Variants in TMEM179B observed in about 807,000 individuals in gnomAD.
TMEM179B encodes transmembrane protein 179B.
A neutral mutation model predicts 18.0 loss-of-function variants in TMEM179B; 13 were observed. The observed-to-expected ratio is 0.72, with a 90% CI of 0.47 to 1.15. The LOEUF (loss-of-function observed/expected upper bound fraction) is 1.15, where lower values mean the gene tolerates loss of function less well. Ranked by LOEUF, TMEM179B falls within the 50% of genes most tolerant of loss-of-function variation. The pLI, the probability that TMEM179B is intolerant of heterozygous loss-of-function variation, is 0.00. For missense variants in TMEM179B, 320 were observed against 270.6 expected (o/e 1.18, Z -1.28); for synonymous variants, 159 against 117.5 (o/e 1.35, Z -2.29).
intron 1 of TMEM179B, among the ~76,000 whole-genome samples, chr11:62,788,242 A>G (rs1431726883): frequency 6.6e-6 from 1 of 151,864 alleles, no homozygotes; most frequent in Non-Finnish European, 1.5e-5. Context: ...GTCTCTACTA[A>G]AAATACAAAA....
chr11:62,787,715 T>A, intron 1 of TMEM179B, 188 bp downstream of exon 1: 1 of 766,060 alleles, frequency 1.3e-6, no homozygotes, highest in Non-Finnish European at 2.1e-6. Context: ...CCTGGCCAGG[T>A]CATACTTCGA....
Position 62,790,393 on chromosome 11 carries a change from T to C in TMEM179B, c.*346T>C, listed in dbSNP as rs2084346331. 3.5e-6 allele frequency: 2 copies of C among 568,392 alleles called. No homozygotes were observed. Among genetic ancestry groups the C allele is most frequent in the Non-Finnish European group, 6.1e-6 (2 of 326,742 alleles). 35.2% of individuals were successfully genotyped at this position (568,392 alleles called of 1,614,324 possible). ...TTGTTGTTAATGAATCTTGACCTCC[T>C]TGTGTGACCCTGGTTGTTACTCCAT... On this transcript the variant is annotated 3_prime_UTR_variant, in exon 5 of 5. Coordinates refer to ENST00000333449, the MANE Select transcript of TMEM179B (RefSeq NM_199337.3).
Position 62,787,470 on chromosome 11 carries a change from C to A in TMEM179B, c.39C>A (p.Leu13=). The A allele has an allele frequency of 6.3e-7, 1 of 1,577,102 alleles. No homozygotes were observed. The highest frequency in any genetic ancestry group is 2.3e-5 in the East Asian group (1 of 43,482). Reference sequence around the variant, plus strand: ...GGCTGCAGCGCGTCGAGCTTGCGCTCTTTGCTGCCGCCTTCCTGTGCGGGG... The same window carrying A: ...GGCTGCAGCGCGTCGAGCTTGCGCTATTTGCTGCCGCCTTCCTGTGCGGGG... ...LSWLQRVELA[L]FAAAFLCGAV... The change falls in exon 1 of 5, where the codon CTC becomes CTA. Residue 13 remains leucine, a synonymous_variant. Coordinates refer to ENST00000333449, the MANE Select transcript of TMEM179B (RefSeq NM_199337.3).
At chr11:62,789,519 T>C in intron 3 of TMEM179B, 82 bp from the exon 4 acceptor site, 1 of 1,590,598 alleles carries the variant, frequency 6.3e-7, no homozygotes, top group Non-Finnish European at 8.6e-7. Flanking sequence ...TCAGTTGCTC[T>C]CAACTCACAG....
chr11:62,789,368 C>T lies in TMEM179B; in HGVS notation c.361C>T (p.Leu121Phe), dbSNP rs1354163021. The change falls in exon 3 of 5, where the codon CTT becomes TTT. Residue 121 changes from leucine (L) to phenylalanine (F), a missense_variant. Coordinates refer to ENST00000333449, the MANE Select transcript of TMEM179B (RefSeq NM_199337.3). ...VFLVLVSACI[L>F]RFGTRSLCNS... ...CCTGGTCTTGGTGTCTGCCTGTATCCTTCGATTTGGCACCAGGTCTCTCTG... is the reference window on the plus strand; with the variant it reads ...CCTGGTCTTGGTGTCTGCCTGTATCTTTCGATTTGGCACCAGGTCTCTCTG... 1 of 1,613,978 alleles carries T rather than the reference C, an allele frequency of 6.2e-7. No individual in the cohort carries two copies. The highest frequency in any genetic ancestry group is 8.5e-7 in the Non-Finnish European group (1 of 1,180,012).
At chr11:62,788,128 C>T (rs553237265) in intron 1 of TMEM179B, among the ~76,000 whole-genome samples, 60 of 152,332 alleles carry the variant, frequency 3.9e-4, no homozygotes, top group East Asian at 9.6e-4. Context: ...ATCCGCCGGG[C>T]GCGGTGACTC....
Position 62,790,322 on chromosome 11 carries a change from T to TA in TMEM179B, c.*276dup, listed in dbSNP as rs756415648. 3 of 539,500 alleles carry TA rather than the reference T, an allele frequency of 5.6e-6. No individual in the cohort carries two copies. The highest frequency in any genetic ancestry group is 3.7e-5 in the Admixed American group (1 of 27,148). The allele number at this position is 539,500 out of a possible 1,614,324, so 33.4% of individuals were successfully genotyped here. A position where few individuals can be genotyped will look rare whatever the true frequency, so the allele number is the denominator to read the frequency against. ...GGCTAAGCAGACATGGACTGAAACT[T>TA]AGAGGTACTGTTAGGCAGCTGCCCT... On this transcript the variant is annotated 3_prime_UTR_variant, in exon 5 of 5. Coordinates refer to ENST00000333449, the MANE Select transcript of TMEM179B (RefSeq NM_199337.3).
chr11:62,787,731 T>G, intron 1 of TMEM179B: 4 of 693,920 alleles, frequency 5.8e-6, no homozygotes, highest in East Asian at 2.7e-5. Flanking sequence ...TTCGAAGTTG[T>G]CCCCTCGCCA....
chr11:62,787,752 T>A, intron 1 of TMEM179B: 1 of 686,424 alleles, frequency 1.5e-6, no homozygotes, highest in Non-Finnish European at 2.6e-6. Context: ...AAGGGACGGG[T>A]CAGTAGCGTC....
In TMEM179B at chr11:62,789,983, G is replaced by C. The variant is rs1385262466; in HGVS notation, c.596G>C (p.Arg199Thr). The change falls in exon 5 of 5, where the codon AGG becomes ACG. Residue 199 changes from arginine (R) to threonine (T), a missense_variant. Arg to Thr is a moderately conservative substitution (Grantham distance 71). Coordinates refer to ENST00000333449, the MANE Select transcript of TMEM179B (RefSeq NM_199337.3). Reference protein sequence around the residue: ...SEATPYRPLERGDPEWSSETD... With the variant: ...SEATPYRPLETGDPEWSSETD... ...GCCACCCCATACCGGCCTCTGGAGA[G>C]GGGTGACCCTGAGTGGAGCTCTGAG... 1.2e-6 allele frequency: 2 copies of C among 1,614,146 alleles called. No individual in the cohort carries two copies. Among genetic ancestry groups the C allele is most frequent in the South Asian group, 2.2e-5 (2 of 91,078 alleles).
intron 3 of TMEM179B, 74 bp from the exon 4 acceptor site, chr11:62,789,527 C>A: frequency 6.3e-7 from 1 of 1,584,092 alleles, no homozygotes. Flanking sequence ...TCTCAACTCA[C>A]AGGGCACTGG....
chr11:62,787,462 C>A lies in TMEM179B; in HGVS notation c.31C>A (p.Leu11Ile). Residue 11 changes from leucine (L) to isoleucine (I), a missense_variant, in exon 1 of 5, where the codon CTT becomes ATT. By Grantham distance (5) the Leu-to-Ile change is conservative. Coordinates refer to ENST00000333449, the MANE Select transcript of TMEM179B (RefSeq NM_199337.3). MALSWLQRVE[L>I]ALFAAAFLCG... Reference sequence around the variant, plus strand: ...GCTGTCCTGGCTGCAGCGCGTCGAGCTTGCGCTCTTTGCTGCCGCCTTCCT... The same window carrying A: ...GCTGTCCTGGCTGCAGCGCGTCGAGATTGCGCTCTTTGCTGCCGCCTTCCT... 6.3e-7 allele frequency: 1 copy of A among 1,574,898 alleles called. No individual in the cohort carries two copies. The highest frequency in any genetic ancestry group is 1.7e-5 in the Admixed American group (1 of 57,318).
In TMEM179B at chr11:62,789,385, GTC is replaced by G. The variant is rs776452583; in HGVS notation, c.384_385del (p.Cys129GlnfsTer11). ...CCTGTATCCTTCGATTTGGCACCAG[GTC>G]TCTCTGCAACTCCATCATCTCCTTG... ...SACILRFGTR[S>X]LCNSIISLNT... On this transcript the variant is annotated frameshift_variant, in exon 3 of 5. Transcript: ENST00000333449. LOFTEE classifies it high-confidence loss of function. 9.9e-6 allele frequency: 16 copies of G among 1,613,878 alleles called. No homozygotes were observed. Among genetic ancestry groups the G allele is most frequent in the African/African-American group, 8.0e-5 (6 of 74,986 alleles).
At position 62,789,970 on chromosome 11, in the gene TMEM179B, C is replaced by T. The variant is rs763026463; in HGVS notation, c.583C>T (p.Arg195Trp). 10 of 1,614,090 alleles carry T rather than the reference C, an allele frequency of 6.2e-6. No homozygotes were observed. Among genetic ancestry groups the T allele is most frequent in the East Asian group, 2.2e-5 (1 of 44,880 alleles). Residue 195 changes from arginine (R) to tryptophan (W), a missense_variant, in exon 5 of 5, where the codon CGG becomes TGG. Transcript: ENST00000333449. ...GTGGAAGTCTGAAGCCACCCCATAC[C>T]GGCCTCTGGAGAGGGGTGACCCTGA... is the stretch of plus-strand genomic sequence containing the variant. ...VQWKSEATPYRPLERGDPEWS... is the reference protein window; with the variant it reads ...VQWKSEATPYWPLERGDPEWS...
intron 1 of TMEM179B, among the ~76,000 whole-genome samples, chr11:62,788,729 A>C (rs1420514354): frequency 6.6e-6 from 1 of 151,064 alleles, no homozygotes; most frequent in Non-Finnish European, 1.5e-5. Context: ...AAGGATATAC[A>C]AGGCCTGGGT....
intron 1 of TMEM179B, among the ~76,000 whole-genome samples, chr11:62,788,815 C>G (rs1002413832): frequency 2.0e-5 from 3 of 152,192 alleles, no homozygotes; most frequent in African/African-American, 7.2e-5. Context: ...TATTCATTGC[C>G]TATTTTCTGA....
intron 1 of TMEM179B, 97 bp from the exon 2 acceptor site, chr11:62,788,926 T>C: frequency 7.5e-7 from 1 of 1,333,402 alleles, no homozygotes; most frequent in Non-Finnish European, 1.0e-6. Context: ...CTTCCTGGAA[T>C]GCAGGACCAT....
At position 62,789,963 on chromosome 11, in the gene TMEM179B, C is replaced by T. The variant is rs765189188; in HGVS notation, c.576C>T (p.Thr192=). 3 of 1,613,926 alleles carry T rather than the reference C, an allele frequency of 1.9e-6. No individual in the cohort carries two copies. Among genetic ancestry groups the T allele is most frequent in the African/African-American group, 1.3e-5 (1 of 74,876 alleles). The part of the protein sequence containing the change: ...LQVVQWKSEA[T]PYRPLERGDP... ...TCGTGCAGTGGAAGTCTGAAGCCAC[C>T]CCATACCGGCCTCTGGAGAGGGGTG... Residue 192 remains threonine, a synonymous_variant, in exon 5 of 5, where the codon ACC becomes ACT. Transcript: ENST00000333449.
intron 4 of TMEM179B, 36 bp from the exon 5 acceptor site, chr11:62,789,850 T>C: frequency 6.3e-7 from 1 of 1,599,168 alleles, no homozygotes; most frequent in Non-Finnish European, 8.5e-7. Context: ...TTTGAAATGG[T>C]CCCACTCCTG....
Sources: gnomAD v4.1 joint callset for allele counts (sites outside exome capture counted in the v4.1 genomes callset) on GRCh38, gnomAD v4.1.1 for gene constraint, MANE v1.5 for transcripts, NCBI Gene and HGNC (gene_info 2026-07-23, HGNC 2026-07-21) for gene names.